The following BLTP3A variants were observed in gnomAD, a reference collection of about 807,000 sequenced individuals.
BLTP3A encodes ICBP90 binding protein 1.
the BLTP3A span, among the ~76,000 whole-genome samples, chr6:34,866,699 T>G: frequency 0.1 from 15,291 of 152,216 alleles, 1,691 homozygotes; most frequent in African/African-American, 0.27. Flanking sequence ...TTTTTCTTCT[T>G]GCGAAACAGA....
At chr6:34,792,316 C>A in the BLTP3A span, 1 of 1,538,834 alleles carries the variant, frequency 6.5e-7, no homozygotes, top group Non-Finnish European at 8.8e-7. Flanking sequence ...AGCGCCGGCC[C>A]CCGGCGGTCC....
chr6:34,823,539 G>GTTTT, the BLTP3A span, among the ~76,000 whole-genome samples: 1 of 134,118 alleles, frequency 7.5e-6, no homozygotes, highest in Admixed American at 7.5e-5. Flanking sequence ...TTCTTCTTCT[G>GTTTT]TTTTTTTTTT....
At chr6:34,835,994 A>G in the BLTP3A span, among the ~76,000 whole-genome samples, 1 of 152,202 alleles carries the variant, frequency 6.6e-6, no homozygotes, top group Admixed American at 6.5e-5. Flanking sequence ...TGGGTTATAT[A>G]ATTGAAACGG....
the BLTP3A span, among the ~76,000 whole-genome samples, chr6:34,828,182 A>G: frequency 6.6e-6 from 1 of 151,902 alleles, no homozygotes; most frequent in East Asian, 1.9e-4. Flanking sequence ...GGCGTATTAC[A>G]TGGCTCACGC....
At chr6:34,796,363 A>G in the BLTP3A span, among the ~76,000 whole-genome samples, 2 of 152,138 alleles carry the variant, frequency 1.3e-5, no homozygotes, top group African/African-American at 4.8e-5. Flanking sequence ...TTAAATGCCT[A>G]CCCTAGGCCA....
At chr6:34,800,813 C>T in the BLTP3A span, among the ~76,000 whole-genome samples, 2 of 136,568 alleles carry the variant, frequency 1.5e-5, no homozygotes, top group Admixed American at 7.1e-5. Flanking sequence ...CTGCCACCTC[C>T]GCCTCCCAGG....
the BLTP3A span, chr6:34,859,308 A>T: frequency 0.17 from 271,105 of 1,613,896 alleles, 26,165 homozygotes; most frequent in African/African-American, 0.4. Context: ...GCAGAACCCA[A>T]GCCTCCAGCT....
the BLTP3A span, among the ~76,000 whole-genome samples, chr6:34,812,840 G>T: frequency 6.6e-6 from 1 of 152,142 alleles, no homozygotes; most frequent in African/African-American, 2.4e-5. Context: ...GGATGAAATG[G>T]CATTAGCTAT....
chr6:34,877,160 T>C, the BLTP3A span: 70 of 152,700 alleles, frequency 4.6e-4, no homozygotes, highest in African/African-American at 1.7e-3. Flanking sequence ...ACTTTCAGTA[T>C]CTAATTCTGT....
chr6:34,815,192 A>T, the BLTP3A span, among the ~76,000 whole-genome samples: 1 of 152,212 alleles, frequency 6.6e-6, no homozygotes, highest in Non-Finnish European at 1.5e-5. Flanking sequence ...TTGGTGGCTC[A>T]GGCCAGAGAA....
At chr6:34,834,351 A>G in the BLTP3A span, 211 of 1,613,852 alleles carry the variant, frequency 1.3e-4, 1 homozygote, top group Middle Eastern at 3.0e-3. Context: ...GTCAACCCCA[A>G]CTGGCAGCAG....
At chr6:34,844,543 A>C in the BLTP3A span, among the ~76,000 whole-genome samples, 4 of 152,196 alleles carry the variant, frequency 2.6e-5, no homozygotes, top group South Asian at 8.3e-4. Flanking sequence ...CTAAAGTGCT[A>C]GGATTACAGG....
At chr6:34,804,823 G>A in the BLTP3A span, among the ~76,000 whole-genome samples, 3 of 152,162 alleles carry the variant, frequency 2.0e-5, no homozygotes, top group Non-Finnish European at 4.4e-5. Flanking sequence ...GTATGGTTTA[G>A]TTAAGGTTGC....
chr6:34,847,870 A>G, the BLTP3A span, among the ~76,000 whole-genome samples: 3 of 143,174 alleles, frequency 2.1e-5, no homozygotes, highest in African/African-American at 7.7e-5. Context: ...TAGTTCTTTA[A>G]GATGTACCAT....
chr6:34,854,852 A>T, the BLTP3A span, among the ~76,000 whole-genome samples: 1 of 152,224 alleles, frequency 6.6e-6, no homozygotes, highest in Non-Finnish European at 1.5e-5. Flanking sequence ...TGCTAGATAT[A>T]CTAGTAGGAG....
the BLTP3A span, among the ~76,000 whole-genome samples, chr6:34,810,941 T>C: frequency 6.6e-6 from 1 of 152,202 alleles, no homozygotes; most frequent in African/African-American, 2.4e-5. Context: ...TCTACATATA[T>C]TTTATGCATT....
At chr6:34,826,803 A>G in the BLTP3A span, among the ~76,000 whole-genome samples, 54 of 152,176 alleles carry the variant, frequency 3.5e-4, 1 homozygote, top group Admixed American at 2.0e-3. Context: ...ACAAGACCCC[A>G]GTAATCGTTC....
At chr6:34,867,424 TGA>T in the BLTP3A span, 2 of 1,613,428 alleles carry the variant, frequency 1.2e-6, no homozygotes, top group Non-Finnish European at 1.7e-6. Flanking sequence ...GGCTCTGGGC[TGA>T]GAGCTTGGGA....
At chr6:34,830,270 A>G in the BLTP3A span, among the ~76,000 whole-genome samples, 26 of 152,084 alleles carry the variant, frequency 1.7e-4, no homozygotes, top group African/African-American at 6.3e-4. Flanking sequence ...TTGGTGGTCA[A>G]TCATGACTCC....
Sources: gnomAD v4.1 joint callset for allele counts (sites outside exome capture counted in the v4.1 genomes callset) on GRCh38, gnomAD v4.1.1 for gene constraint, MANE v1.5 for transcripts, NCBI Gene and HGNC (gene_info 2026-07-23, HGNC 2026-07-21) for gene names.